Variants in ATP9A observed in about 807,000 individuals in gnomAD.
The protein encoded by ATP9A is ATPase phospholipid transporting 9A.
In ATP9A, 52 loss-of-function variants were observed where a neutral mutation model predicts 144.1. The observed-to-expected ratio is 0.36, with a 90% CI of 0.29 to 0.45. The LOEUF is 0.45. Ranked by LOEUF, ATP9A falls within the 20% of genes least tolerant of loss-of-function variation. The probability of loss-of-function intolerance (pLI) is 1.00; values close to 1 mark genes in which losing one functional copy is unlikely to be tolerated. For missense variants in ATP9A, 947 were observed against 1,392.7 expected (o/e 0.68, Z 5.09); for synonymous variants, 582 against 557.4 (o/e 1.04, Z -0.62).
intron 13 of ATP9A, among the ~76,000 whole-genome samples, chr20:51,668,101 GC>G (rs1355420272): frequency 4.6e-4 from 9 of 19,776 alleles, no homozygotes; most frequent in East Asian, 4.8e-3. Context: ...GGGGGGGGGG[GC>G]GGAAGGGCTG....
intron 6 of ATP9A, among the ~76,000 whole-genome samples, chr20:51,694,704 G>A (rs1054993389): frequency 2.0e-5 from 3 of 152,134 alleles, no homozygotes; most frequent in African/African-American, 7.2e-5. Context: ...GGTCATTATG[G>A]GCTGGCACAT....
chr20:51,737,485 C>A (rs933947160), intron 1 of ATP9A, among the ~76,000 whole-genome samples: 12 of 152,150 alleles, frequency 7.9e-5, no homozygotes, highest in African/African-American at 2.7e-4. Flanking sequence ...TCTTTGCACA[C>A]GTGTGGGGCC....
chr20:51,603,972 G>T (rs1260340738), intron 27 of ATP9A, among the ~76,000 whole-genome samples: 4 of 151,994 alleles, frequency 2.6e-5, no homozygotes, highest in African/African-American at 9.7e-5. Flanking sequence ...GTAGAGATGG[G>T]GTTTCACCAT....
chr20:51,723,911 C>T (rs1458044652), intron 3 of ATP9A, among the ~76,000 whole-genome samples: 1 of 152,080 alleles, frequency 6.6e-6, no homozygotes, highest in Non-Finnish European at 1.5e-5. Flanking sequence ...TGTCTCACGC[C>T]TATAATCCCA....
Position 51,753,351 on chromosome 20 carries a change from G to A in ATP9A, c.68+14951C>T, listed in dbSNP as rs534905623. 1.2e-4 allele frequency among the ~76,000 whole-genome samples: 19 copies of A among 152,100 alleles called. No homozygotes were observed. In the East Asian group the frequency reaches 2.5e-3, roughly 20 times the overall value. On this transcript the variant is annotated intron_variant, in intron 1 of 27. Transcript: ENST00000338821. ...TCCTAGCTACTTGGGAGGCAGAGGCGGAGGCAGGAGAATCACTTGAACTCG... is the reference window on the plus strand; with the variant it reads ...TCCTAGCTACTTGGGAGGCAGAGGCAGAGGCAGGAGAATCACTTGAACTCG...
At chr20:51,683,808 C>T (rs1388660120) in intron 9 of ATP9A, among the ~76,000 whole-genome samples, 3 of 152,262 alleles carry the variant, frequency 2.0e-5, no homozygotes, top group Middle Eastern at 3.4e-3. Flanking sequence ...GGAGTCTGAC[C>T]TGAGGTAATA....
intron 1 of ATP9A, among the ~76,000 whole-genome samples, chr20:51,746,621 C>G (rs537786057): frequency 1.3e-5 from 2 of 152,276 alleles, no homozygotes; most frequent in South Asian, 4.1e-4. Flanking sequence ...AGGCAGATCA[C>G]GAGGTCAGGA....
At chr20:51,690,939 A>G (rs1390028411) in intron 7 of ATP9A, 120 bp from the exon 8 acceptor site, 4 of 783,140 alleles carry the variant, frequency 5.1e-6, no homozygotes, top group Non-Finnish European at 8.7e-6. Context: ...GCCCCTCAAA[A>G]TTACAGGGGA....
chr20:51,622,090 A>C lies in ATP9A; in HGVS notation c.2099T>G (p.Ile700Ser). 1 of 1,614,074 alleles carries C rather than the reference A, an allele frequency of 6.2e-7. No individual in the cohort carries two copies. Among genetic ancestry groups the C allele is most frequent in the Non-Finnish European group, 8.5e-7 (1 of 1,179,996 alleles). Residue 700 changes from isoleucine (I) to serine (S), a missense_variant, in exon 19 of 28, where the codon ATC becomes AGC. Around this residue, in one of 2 missense-constraint regions of ATP9A, gnomAD observed 770 missense variants for 1,047.9 expected, o/e 0.73. Transcript: ENST00000338821. The part of the protein sequence containing the change: ...NAHLVTRNQD[I>S]HVFRLVTNRG... ...ACACTTTACCAGCCGAAAAACGTGGATGTCTTGGTTTCTGGTCACCAGATG... is the reference window on the plus strand; with the variant it reads ...ACACTTTACCAGCCGAAAAACGTGGCTGTCTTGGTTTCTGGTCACCAGATG...
intron 4 of ATP9A, among the ~76,000 whole-genome samples, chr20:51,703,304 G>A (rs928360688): frequency 1.3e-5 from 2 of 152,086 alleles, no homozygotes; most frequent in African/African-American, 4.8e-5. Context: ...AAGAACCGAG[G>A]CCACAGAACT....
intron 6 of ATP9A, among the ~76,000 whole-genome samples, chr20:51,695,600 A>C (rs2077567533): frequency 6.6e-6 from 1 of 152,054 alleles, no homozygotes; most frequent in Admixed American, 6.6e-5. Context: ...CCACCCCACA[A>C]ACTCAGGCTA....
Position 51,710,260 on chromosome 20 carries a change from G to A in ATP9A, c.436+2706C>T, listed in dbSNP as rs536100491. On this transcript the variant is annotated intron_variant, in intron 4 of 27. Coordinates refer to ENST00000338821, the MANE Select transcript of ATP9A (RefSeq NM_006045.3). ...GGAGGTTGCAGCGAGCGAAGATCGC[G>A]ACATTGCACTCCAGCTTGGGCAACA... Among the ~76,000 whole-genome samples the A allele has an allele frequency of 3.9e-5, 6 of 152,072 alleles. No homozygotes were observed. In the South Asian group the frequency reaches 1.2e-3, roughly 32 times the overall value.
chr20:51,638,295 A>G (rs2077303982), intron 15 of ATP9A, among the ~76,000 whole-genome samples: 1 of 41,604 alleles, frequency 2.4e-5, no homozygotes, highest in South Asian at 1.2e-3. Flanking sequence ...TTGTCAAGGA[A>G]AAAAAAAAAA....
rs1023207254 is a variant in ATP9A at position 51,599,266 on chromosome 20, T to A, written c.*1945A>T. The A allele has an allele frequency of 6.6e-6, 1 of 152,210 alleles. No individual in the cohort carries two copies. Among genetic ancestry groups the A allele is most frequent in the Non-Finnish European group, 1.5e-5 (1 of 68,028 alleles). 9.4% of individuals were successfully genotyped at this position (152,210 alleles called of 1,614,324 possible). ...CAGCGTTACAGAGCCAGGTTCAGCA[T>A]CTGCAAAGTCTAAATGGGACTATCT... On this transcript the variant is annotated 3_prime_UTR_variant, in exon 28 of 28. Coordinates refer to ENST00000338821, the MANE Select transcript of ATP9A (RefSeq NM_006045.3).
In ATP9A at chr20:51,756,437, C is replaced by T. The variant is rs564754505; in HGVS notation, c.68+11865G>A. Among the ~76,000 whole-genome samples, 9 of 152,144 alleles carry T rather than the reference C, an allele frequency of 5.9e-5. No homozygotes were observed. The South Asian group carries it at 1.5e-3, about 25-fold the overall frequency. ...TTCCTAGTAGCTGAGATTACAGGTGCACGCCACCACACCTGGCTAATTTTT... is the reference window on the plus strand; with the variant it reads ...TTCCTAGTAGCTGAGATTACAGGTGTACGCCACCACACCTGGCTAATTTTT... On this transcript the variant is annotated intron_variant, in intron 1 of 27. Transcript: ENST00000338821.
chr20:51,650,653 G>A (rs6067873), intron 14 of ATP9A, among the ~76,000 whole-genome samples: 68,377 of 151,950 alleles, frequency 0.45, 16,860 homozygotes, highest in East Asian at 0.8. Flanking sequence ...AGCGGGTGTC[G>A]CAGAGGAAGA....
chr20:51,618,454 C>A (rs2077212316), intron 21 of ATP9A, among the ~76,000 whole-genome samples: 1 of 152,106 alleles, frequency 6.6e-6, no homozygotes, highest in Non-Finnish European at 1.5e-5. Context: ...GGAGTAGAGG[C>A]CTGGCACGTG....
chr20:51,627,823 C>G (rs1424853495), intron 16 of ATP9A, 140 bp from the exon 17 acceptor site: 2 of 725,562 alleles, frequency 2.8e-6, no homozygotes, highest in African/African-American at 3.5e-5. Context: ...TCCCCTACGG[C>G]AATCCTCCCT....
At chr20:51,743,393 CTG>C (rs2077793095) in intron 1 of ATP9A, among the ~76,000 whole-genome samples, 1 of 60,928 alleles carries the variant, frequency 1.6e-5, no homozygotes, top group African/African-American at 8.3e-5. Context: ...AAGACCGAAA[CTG>C]ATTTTTTTTT....
Sources: gnomAD v4.1 joint callset for allele counts (sites outside exome capture counted in the v4.1 genomes callset) on GRCh38, gnomAD v4.1.1 for gene constraint, gnomAD v4.1.1 regional missense constraint, MANE v1.5 for transcripts, NCBI Gene and HGNC (gene_info 2026-07-23, HGNC 2026-07-21) for gene names.